NLGN1: variants seen among roughly 807,000 people sequenced by gnomAD.
NLGN1 encodes the protein neuroligin 1.
A neutral mutation model predicts 65.5 loss-of-function variants in NLGN1; 12 were observed. The ratio of observed to expected loss-of-function variants is 0.18; its 90% CI spans 0.12 to 0.30. The LOEUF is 0.30. NLGN1 is among the 10% of genes least tolerant of loss of function. NLGN1 has a pLI of 1.00. For missense variants in NLGN1, 750 were observed against 1,007.1 expected (o/e 0.74, Z 3.46); for synonymous variants, 350 against 359.5 (o/e 0.97, Z 0.30).
chr3:174,282,573 T>TTAGTC (rs1202938050), exon 7 of NLGN1: 3 of 152,176 alleles, frequency 2.0e-5, no homozygotes, highest in Non-Finnish European at 4.4e-5. Context: ...CTGGAGGATT[T>TTAGTC]TAGTCTTTCT....
intron 4 of NLGN1, among the ~76,000 whole-genome samples, chr3:173,941,047 C>T (rs1383403787): frequency 2.0e-5 from 3 of 152,090 alleles, no homozygotes; most frequent in South Asian, 2.1e-4. Flanking sequence ...GTGTAGCTTT[C>T]GTGGATTAGT....
chr3:173,940,174 C>T (rs532377893), intron 4 of NLGN1, among the ~76,000 whole-genome samples: 12 of 146,768 alleles, frequency 8.2e-5, no homozygotes, highest in East Asian at 2.0e-4. Context: ...CTGCAACCTC[C>T]GCCTCCTGGG....
At chr3:173,616,493 A>G (rs917603777) in intron 3 of NLGN1, among the ~76,000 whole-genome samples, 2 of 152,234 alleles carry the variant, frequency 1.3e-5, no homozygotes, top group Non-Finnish European at 2.9e-5. Context: ...ATATTTTTTC[A>G]GTTTTATGTT....
chr3:173,589,945 A>C (rs1246595263), intron 2 of NLGN1, among the ~76,000 whole-genome samples: 1 of 152,204 alleles, frequency 6.6e-6, no homozygotes, highest in Non-Finnish European at 1.5e-5. Context: ...CTATGCTTGG[A>C]AGATCAACAA....
intron 2 of NLGN1, among the ~76,000 whole-genome samples, chr3:173,590,479 C>T (rs1331128265): frequency 6.6e-6 from 1 of 152,112 alleles, no homozygotes; most frequent in Non-Finnish European, 1.5e-5. Context: ...TACTAGTAGT[C>T]TGTATAACCT....
intron 4 of NLGN1, among the ~76,000 whole-genome samples, chr3:173,948,272 A>C (rs887881273): frequency 6.6e-6 from 1 of 152,228 alleles, no homozygotes; most frequent in East Asian, 1.9e-4. Context: ...GAATTAAATG[A>C]AATAAGAAAT....
At chr3:173,456,145 A>G (rs994387998) in intron 2 of NLGN1, among the ~76,000 whole-genome samples, 1 of 152,292 alleles carries the variant, frequency 6.6e-6, no homozygotes, top group South Asian at 2.1e-4. Context: ...ATGTTTAACC[A>G]GATATTCGGG....
At chr3:174,023,411 T>G (rs927225294) in intron 4 of NLGN1, among the ~76,000 whole-genome samples, 2 of 152,110 alleles carry the variant, frequency 1.3e-5, no homozygotes, top group Non-Finnish European at 2.9e-5. Context: ...AGGAACTCCC[T>G]TTTTTCAGGC....
At chr3:173,556,534 G>T (rs776870044) in intron 2 of NLGN1, among the ~76,000 whole-genome samples, 7 of 151,706 alleles carry the variant, frequency 4.6e-5, no homozygotes, top group Non-Finnish European at 7.4e-5. Flanking sequence ...TTTATTTTTG[G>T]CTGGGTACAG....
chr3:173,700,952 T>C (rs923280976), intron 3 of NLGN1, among the ~76,000 whole-genome samples: 71 of 152,124 alleles, frequency 4.7e-4, no homozygotes, highest in Admixed American at 7.2e-4. Context: ...GGTGAAACCC[T>C]GTCTCTACTA....
chr3:174,241,232 C>A (rs1296476771), intron 4 of NLGN1, among the ~76,000 whole-genome samples: 1 of 151,996 alleles, frequency 6.6e-6, no homozygotes, highest in Admixed American at 6.6e-5. Flanking sequence ...TTTTAAAATT[C>A]TTATTCATAA....
chr3:173,629,423 T>G (rs1159553422), intron 3 of NLGN1, among the ~76,000 whole-genome samples: 3 of 152,288 alleles, frequency 2.0e-5, no homozygotes, highest in Middle Eastern at 3.4e-3. Flanking sequence ...GCTTCCAATT[T>G]CTTAAAAATT....
intron 2 of NLGN1, among the ~76,000 whole-genome samples, chr3:173,478,710 C>T (rs1406424302): frequency 2.6e-5 from 4 of 151,998 alleles, no homozygotes; most frequent in Admixed American, 6.5e-5. Flanking sequence ...CACATGAGGC[C>T]AGGAGTTCGA....
At chr3:173,521,222 C>A (rs1203178920) in intron 2 of NLGN1, among the ~76,000 whole-genome samples, 1 of 152,034 alleles carries the variant, frequency 6.6e-6, no homozygotes, top group Non-Finnish European at 1.5e-5. Context: ...TCACAGAAAT[C>A]CTGAGACATT....
Position 174,131,362 on chromosome 3 carries a change from C to T in NLGN1, c.647-143953C>T. 1.3e-5 allele frequency among the ~76,000 whole-genome samples: 2 copies of T among 152,052 alleles called. 1 individual carries two copies. The highest frequency in any genetic ancestry group is 2.9e-5 in the Non-Finnish European group (2 of 68,004). ...ACGTTTTCACACATAGTCCTTAGTT[C>T]CCTGTGTTCTTCTATTAGCCATAAG... On this transcript the variant is annotated intron_variant, in intron 4 of 6. Transcript: ENST00000457714.
rs111998338 is a variant in NLGN1 at position 173,680,807 on chromosome 3, G to T, written c.493+75716G>T. On this transcript the variant is annotated intron_variant, in intron 3 of 6. Coordinates refer to ENST00000457714, the Ensembl canonical transcript of NLGN1. Reference sequence around the variant, plus strand: ...GTATATACAATATTTATTTGTTTCAGTTCTTGGTGCAGAACAGAACGTTCT... The same window carrying T: ...GTATATACAATATTTATTTGTTTCATTTCTTGGTGCAGAACAGAACGTTCT... Among the ~76,000 whole-genome samples, 310 of 152,260 alleles carry T rather than the reference G, an allele frequency of 2.0e-3. 4 individuals are homozygous for T. Among genetic ancestry groups the T allele is most frequent in the African/African-American group, 7.1e-3 (294 of 41,566 alleles).
chr3:173,807,740 T>A, exon 4 of NLGN1: 1 of 1,613,660 alleles, frequency 6.2e-7, no homozygotes, highest in Non-Finnish European at 8.5e-7. Context: ...GGCTCATATA[T>A]GGAAGGTACT....
chr3:173,412,350 C>A (rs1201653099), intron 1 of NLGN1, among the ~76,000 whole-genome samples: 8 of 139,650 alleles, frequency 5.7e-5, no homozygotes, highest in Non-Finnish European at 1.3e-4. Flanking sequence ...ACACAGTGTG[C>A]ACACATATTT....
chr3:173,799,647 A>G (rs140080413), intron 3 of NLGN1, among the ~76,000 whole-genome samples: 270 of 152,128 alleles, frequency 1.8e-3, no homozygotes, highest in African/African-American at 6.1e-3. Context: ...ATTTAGTGAT[A>G]CATTTGTGCA....
Sources: gnomAD v4.1 joint callset for allele counts (sites outside exome capture counted in the v4.1 genomes callset) on GRCh38, gnomAD v4.1.1 for gene constraint, MANE v1.5 for transcripts, NCBI Gene and HGNC (gene_info 2026-07-23, HGNC 2026-07-21) for gene names.